NUMB: variants seen among roughly 807,000 people sequenced by gnomAD.
NUMB encodes protein numb homolog.
A neutral mutation model predicts 59.7 loss-of-function variants in NUMB; 29 were observed. That is an observed-to-expected ratio of 0.49 (90% CI 0.36 to 0.66). NUMB has a LOEUF of 0.66. NUMB is among the 30% of genes least tolerant of loss of function. The pLI, the probability that NUMB is intolerant of heterozygous loss-of-function variation, is 0.00. For synonymous variants in NUMB, 288 were observed against 288.2 expected, an observed-to-expected ratio of 1.00 and a Z score of 0.01; for missense variants, 723 against 822.0, an observed-to-expected ratio of 0.88 and a Z score of 1.47.
rs796696516 is a variant in NUMB, at chr14:73,304,855, C to T, written c.235-7570G>A. Among the ~76,000 whole-genome samples the T allele has an allele frequency of 1.1e-4, 16 of 152,030 alleles. 1 individual carries two copies. Among genetic ancestry groups the T allele is most frequent in the African/African-American group, 3.9e-4 (16 of 41,474 alleles). On this transcript the variant is annotated intron_variant, in intron 6 of 12. Coordinates refer to ENST00000555238, the MANE Select transcript of NUMB (RefSeq NM_001005743.2). ...GGCTCATTGCAACCTCCACCTCCTG[C>T]GTTCAAGCGATTCTCCTGCCTCAGC...
rs944571054 is a variant in NUMB at position 73,279,171 on chromosome 14, T to C, written c.1240+110A>G. The C allele has an allele frequency of 8.6e-5, 107 of 1,249,686 alleles. 1 individual carries two copies. The South Asian group carries it at 1.2e-3, about 14-fold the overall frequency. The allele number at this position is 1,249,686 out of a possible 1,614,324, so 77.4% of individuals were successfully genotyped here. ...ACTTATTTCTAGGAGGGAACATAGT[T>C]TTCCTGAAAGGATTCCTCCCTAGTT... On this transcript the variant is annotated intron_variant, in intron 12 of 12. Transcript: ENST00000555238.
rs117704339 is a variant in NUMB at position 73,312,809 on chromosome 14, C to T, written c.234+3581G>A. On this transcript the variant is annotated intron_variant, in intron 6 of 12. Transcript: ENST00000555238. The stretch of plus-strand genomic sequence containing the variant: ...CAACTGCTTCTGATATTTCTTTTTA[C>T]GTTAAAAAAAAATACAGTGTAAGTT... Among the ~76,000 whole-genome samples the T allele has an allele frequency of 6.9e-3, 1,040 of 151,164 alleles. 4 individuals are homozygous for T. Among genetic ancestry groups the T allele is most frequent in the South Asian group, 0.03 (144 of 4,770 alleles).
intron 2 of NUMB, among the ~76,000 whole-genome samples, chr14:73,372,093 C>T: frequency 6.6e-6 from 1 of 151,138 alleles, no homozygotes. Flanking sequence ...TTTAGCCAGG[C>T]ATGGTGGCAG....
chr14:73,353,503 A>T (rs925090441), intron 4 of NUMB, among the ~76,000 whole-genome samples: 1 of 151,156 alleles, frequency 6.6e-6, no homozygotes, highest in Non-Finnish European at 1.5e-5. Flanking sequence ...AACGTACTTA[A>T]ATGCAATTCT....
At chr14:73,316,271 T>C in intron 6 of NUMB, 119 bp downstream of exon 6, 1 of 810,878 alleles carries the variant, frequency 1.2e-6, no homozygotes, top group African/African-American at 1.7e-5. Context: ...CCATATACAA[T>C]CAAACCAATT....
chr14:73,276,533 T>A lies in NUMB; in HGVS notation c.*45A>T. 6.7e-7 allele frequency: 1 copy of A among 1,495,876 alleles called. No individual in the cohort carries two copies. Among genetic ancestry groups the A allele is most frequent in the Non-Finnish European group, 9.2e-7 (1 of 1,087,950 alleles). The allele number at this position is 1,495,876 out of a possible 1,614,324, so 92.7% of individuals were successfully genotyped here. A position where few individuals can be genotyped will look rare whatever the true frequency, so the allele number is the denominator to read the frequency against. ...TTTTGCTCCTTTGACCGCTACCCCC[T>A]GCTCCCTGTCTGGTATGGACAAGAT... On this transcript the variant is annotated 3_prime_UTR_variant, in exon 13 of 13. Coordinates refer to ENST00000555238, the MANE Select transcript of NUMB (RefSeq NM_001005743.2).
intron 3 of NUMB, chr14:73,356,988 A>G: frequency 1.1e-6 from 1 of 903,354 alleles, no homozygotes; most frequent in Non-Finnish European, 1.3e-6. Flanking sequence ...GTGAGCCACC[A>G]TACCTGGCCA....
In NUMB at chr14:73,286,796, T is replaced by C. The variant is rs1032704472; in HGVS notation, c.655+314A>G. The C allele has an allele frequency of 1.1e-5, 4 of 351,534 alleles. No individual in the cohort carries two copies. In the Admixed American group the frequency reaches 1.7e-4, roughly 15 times the overall value. 21.8% of individuals were successfully genotyped at this position (351,534 alleles called of 1,614,324 possible). On this transcript the variant is annotated intron_variant, in intron 9 of 12. Transcript: ENST00000555238. ...TGCAGGTACTTGATTCATTTGCTTC[T>C]CAAAGAGATCAGATACATCAGAATT...
At chr14:73,391,038 CTCTATT>C (rs1895830484) in intron 2 of NUMB, among the ~76,000 whole-genome samples, 1 of 129,902 alleles carries the variant, frequency 7.7e-6, no homozygotes, top group South Asian at 2.4e-4. Context: ...TATATTCAAC[CTCTATT>C]TTTGAAAATA....
chr14:73,301,909 C>CG (rs1315209442), intron 6 of NUMB, among the ~76,000 whole-genome samples: 1 of 152,002 alleles, frequency 6.6e-6, no homozygotes, highest in Non-Finnish European at 1.5e-5. Context: ...GCTGAAACCC[C>CG]ATATCTACTA....
At chr14:73,351,272 G>C (rs1893242691) in intron 4 of NUMB, among the ~76,000 whole-genome samples, 1 of 152,116 alleles carries the variant, frequency 6.6e-6, no homozygotes, top group Non-Finnish European at 1.5e-5. Context: ...AAGAGATCGA[G>C]ACAATCCTGG....
chr14:73,398,415 A>AGTGTGTGTGTGTGT, intron 2 of NUMB, among the ~76,000 whole-genome samples: 1 of 118,878 alleles, frequency 8.4e-6, no homozygotes, highest in South Asian at 2.7e-4. Flanking sequence ...AGAGAGAGAG[A>AGTGTGTGTGTGTGT]GTGTGTGTGT....
intron 9 of NUMB, chr14:73,284,748 T>C (rs578163525): frequency 1.2e-5 from 2 of 173,018 alleles, no homozygotes; most frequent in African/African-American, 2.4e-5. Context: ...CTTTGGGAAC[T>C]GTAGCATTAG....
intron 11 of NUMB, among the ~76,000 whole-genome samples, chr14:73,280,762 C>T (rs1050587014): frequency 1.5e-5 from 2 of 132,542 alleles, no homozygotes; most frequent in Admixed American, 1.8e-4. Context: ...GGTGTGATCT[C>T]GGCTCACTGC....
At chr14:73,317,066 T>TATGTA (rs1198014781) in intron 5 of NUMB, among the ~76,000 whole-genome samples, 2 of 152,234 alleles carry the variant, frequency 1.3e-5, no homozygotes, top group African/African-American at 4.8e-5. Flanking sequence ...TTAGTATCAA[T>TATGTA]CTATATGTAC....
chr14:73,455,050 G>A (rs1884256148), intron 1 of NUMB, among the ~76,000 whole-genome samples: 1 of 152,122 alleles, frequency 6.6e-6, no homozygotes, highest in Admixed American at 6.5e-5. Context: ...GTCTGCATCT[G>A]CTTTAGAACT....
intron 2 of NUMB, among the ~76,000 whole-genome samples, chr14:73,395,402 T>C (rs190222100): frequency 6.7e-6 from 1 of 149,708 alleles, no homozygotes; most frequent in East Asian, 1.9e-4. Flanking sequence ...GTAGGTAGAC[T>C]GGTTGAGCCC....
At chr14:73,410,929 T>C (rs964640265) in intron 1 of NUMB, among the ~76,000 whole-genome samples, 2 of 152,192 alleles carry the variant, frequency 1.3e-5, no homozygotes, top group South Asian at 2.1e-4. Context: ...CCAATTTTAA[T>C]AGGGAAATAG....
intron 2 of NUMB, among the ~76,000 whole-genome samples, chr14:73,371,261 C>A (rs1410012418): frequency 6.6e-6 from 1 of 152,132 alleles, no homozygotes; most frequent in African/African-American, 2.4e-5. Flanking sequence ...AACAGCCGGG[C>A]TCAGTGGCTC....
Sources: gnomAD v4.1 joint callset for allele counts (sites outside exome capture counted in the v4.1 genomes callset) on GRCh38, gnomAD v4.1.1 for gene constraint, MANE v1.5 for transcripts, NCBI Gene and HGNC (gene_info 2026-07-23, HGNC 2026-07-21) for gene names.